The following NALCN variants were observed in gnomAD, a reference collection of about 807,000 sequenced individuals.
NALCN encodes the protein sodium leak channel NALCN.
NALCN carries 111 observed loss-of-function variants against 225.3 expected under a neutral mutation model. The ratio of observed to expected loss-of-function variants is 0.49; its 90% CI spans 0.42 to 0.58. The LOEUF (loss-of-function observed/expected upper bound fraction) is 0.58. Among genes scored for constraint, NALCN ranks in the 20% least tolerant of loss-of-function variants. NALCN has a pLI of 0.00. For missense variants in NALCN, 1,378 were observed against 2,202.4 expected, an observed-to-expected ratio of 0.63 and a Z score of 7.49; for synonymous variants, 764 against 769.0, an observed-to-expected ratio of 0.99 and a Z score of 0.11.
intron 7 of NALCN, among the ~76,000 whole-genome samples, chr13:101,296,758 C>T (rs774270833): frequency 2.0e-5 from 3 of 152,126 alleles, no homozygotes; most frequent in African/African-American, 4.8e-5. Context: ...TCTCAGACCC[C>T]AAACTCTCAA....
intron 39 of NALCN, 101 bp from the exon 40 acceptor site, chr13:101,065,662 C>A: frequency 7.1e-7 from 1 of 1,410,354 alleles, no homozygotes. Flanking sequence ...CAAAAGCTAG[C>A]ATAATTAGCA....
At chr13:101,346,516 T>G (rs2045743550) in intron 6 of NALCN, among the ~76,000 whole-genome samples, 1 of 152,050 alleles carries the variant, frequency 6.6e-6, no homozygotes, top group Admixed American at 6.6e-5. Flanking sequence ...GGTGTCTAGT[T>G]TAGAAATAAC....
At chr13:101,073,543 G>T in intron 37 of NALCN, 41 bp downstream of exon 37, 2 of 1,518,554 alleles carry the variant, frequency 1.3e-6, no homozygotes, top group South Asian at 1.2e-5. Flanking sequence ...GTTTCATGCT[G>T]ATTCTAAGTC....
At chr13:101,199,410 C>A (rs1490901107) in intron 13 of NALCN, among the ~76,000 whole-genome samples, 1 of 151,628 alleles carries the variant, frequency 6.6e-6, no homozygotes, top group Non-Finnish European at 1.5e-5. Context: ...AAATGTCCAA[C>A]AATTATAGAC....
chr13:101,233,927 C>G (rs569548635), intron 12 of NALCN, among the ~76,000 whole-genome samples: 17 of 152,284 alleles, frequency 1.1e-4, no homozygotes, highest in Admixed American at 4.6e-4. Flanking sequence ...CCACGCTGGC[C>G]TTTGTGCTAT....
At chr13:101,370,219 T>A (rs939916019) in intron 6 of NALCN, among the ~76,000 whole-genome samples, 13 of 151,750 alleles carry the variant, frequency 8.6e-5, no homozygotes, top group African/African-American at 3.1e-4. Flanking sequence ...GAAAAAAAAA[T>A]AGCTATGGAT....
intron 7 of NALCN, among the ~76,000 whole-genome samples, chr13:101,328,741 T>C (rs573837534): frequency 3.9e-5 from 6 of 152,336 alleles, no homozygotes; most frequent in African/African-American, 1.4e-4. Flanking sequence ...TCTACTTTAG[T>C]CTTCCTATGA....
At chr13:101,148,460 A>G (rs953732933) in intron 15 of NALCN, among the ~76,000 whole-genome samples, 1 of 152,138 alleles carries the variant, frequency 6.6e-6, no homozygotes, top group African/African-American at 2.4e-5. Flanking sequence ...CAATTAACTT[A>G]ACTGGTTACC....
rs545972807 is a variant in NALCN at position 101,334,917 on chromosome 13, A to G, written c.799+10349T>C. On this transcript the variant is annotated intron_variant, in intron 7 of 43. Coordinates refer to ENST00000251127, the MANE Select transcript of NALCN (RefSeq NM_052867.4). ...AGGAAGAGAGGGAAGGAGGGAGGGAATTATATATGGCAGAATTTATTACTT... is the reference window on the plus strand; with the variant it reads ...AGGAAGAGAGGGAAGGAGGGAGGGAGTTATATATGGCAGAATTTATTACTT... 3.3e-5 allele frequency among the ~76,000 whole-genome samples: 5 copies of G among 152,250 alleles called. No individual in the cohort carries two copies. The East Asian group carries it at 5.8e-4, about 18-fold the overall frequency.
intron 9 of NALCN, among the ~76,000 whole-genome samples, chr13:101,291,401 G>A (rs1035263813): frequency 1.3e-5 from 2 of 152,092 alleles, no homozygotes; most frequent in Non-Finnish European, 2.9e-5. Flanking sequence ...CAGAATCAAA[G>A]GTATGTAATA....
rs1555346481 is a variant in NALCN at position 101,397,099 on chromosome 13, T to TATAC, written c.109-1735_109-1734insGTAT. Among the ~76,000 whole-genome samples the TATAC allele has an allele frequency of 4.3e-3, 283 of 65,278 alleles. 3 individuals carry two copies. The highest frequency in any genetic ancestry group is 5.6e-3 in the Admixed American group (33 of 5,942). The allele number at this position is 65,278 out of a possible 152,430, so 42.8% of individuals were successfully genotyped here. On this transcript the variant is annotated intron_variant, in intron 2 of 43. Transcript: ENST00000251127. Reference sequence around the variant, plus strand: ...ATATATATATATATATATATATATATATATATATATACATACACATACATA... The same window carrying TATAC: ...ATATATATATATATATATATATATATATACATATATATATACATACACATACATA...
At chr13:101,350,172 C>T (rs2045867961) in intron 6 of NALCN, among the ~76,000 whole-genome samples, 1 of 152,152 alleles carries the variant, frequency 6.6e-6, no homozygotes, top group Non-Finnish European at 1.5e-5. Flanking sequence ...TTCATAATCA[C>T]TGTCCTACCT....
intron 6 of NALCN, among the ~76,000 whole-genome samples, chr13:101,369,573 A>C (rs1228052441): frequency 6.6e-6 from 1 of 152,188 alleles, no homozygotes; most frequent in Non-Finnish European, 1.5e-5. Flanking sequence ...AGCTGCATTT[A>C]CAAGTTTTAT....
intron 16 of NALCN, among the ~76,000 whole-genome samples, chr13:101,144,282 A>T (rs2037233484): frequency 6.6e-6 from 1 of 152,250 alleles, no homozygotes; most frequent in South Asian, 2.1e-4. Flanking sequence ...AAGGCAAATT[A>T]TATATGGTAA....
chr13:101,360,507 A>G (rs1338047), intron 6 of NALCN, among the ~76,000 whole-genome samples: 9,937 of 152,130 alleles, frequency 0.065, 1,076 homozygotes, highest in African/African-American at 0.22. Flanking sequence ...TGCTGGGATT[A>G]CAGGCATGAG....
At chr13:101,326,603 T>C (rs1323315133) in intron 7 of NALCN, among the ~76,000 whole-genome samples, 2 of 152,254 alleles carry the variant, frequency 1.3e-5, no homozygotes, top group African/African-American at 2.4e-5. Context: ...AATCCCTGAC[T>C]TGCCATTTAC....
At chr13:101,215,456 G>A (rs1463927136) in intron 13 of NALCN, among the ~76,000 whole-genome samples, 3 of 152,080 alleles carry the variant, frequency 2.0e-5, no homozygotes, top group African/African-American at 7.2e-5. Flanking sequence ...GTCAGAATGT[G>A]GGCATGGTGT....
Position 101,090,121 on chromosome 13 carries a change from CAT to C in NALCN, c.3270-157_3270-156del, listed in dbSNP as rs546728382. On this transcript the variant is annotated intron_variant, in intron 28 of 43. Coordinates refer to ENST00000251127, the MANE Select transcript of NALCN (RefSeq NM_052867.4). The stretch of plus-strand genomic sequence containing the variant: ...ACACACACGTGTGCGTGCACACACA[CAT>C]ACATATGTGTGTATATGTATACACA... 1.7e-3 allele frequency among the ~76,000 whole-genome samples: 254 copies of C among 152,138 alleles called. 1 individual carries two copies. Among genetic ancestry groups the C allele is most frequent in the African/African-American group, 5.8e-3 (240 of 41,482 alleles).
At chr13:101,071,180 T>C (rs925402591) in intron 37 of NALCN, among the ~76,000 whole-genome samples, 1 of 152,172 alleles carries the variant, frequency 6.6e-6, no homozygotes, top group Non-Finnish European at 1.5e-5. Flanking sequence ...GTCAAACCAT[T>C]GCAGGGTCCT....
Sources: gnomAD v4.1 joint callset for allele counts (sites outside exome capture counted in the v4.1 genomes callset) on GRCh38, gnomAD v4.1.1 for gene constraint, MANE v1.5 for transcripts, NCBI Gene and HGNC (gene_info 2026-07-23, HGNC 2026-07-21) for gene names.